VWA3B: variants seen among roughly 807,000 people sequenced by gnomAD.
The protein encoded by VWA3B is von Willebrand factor A domain-containing protein 3B.
In VWA3B, 138 loss-of-function variants were observed where a neutral mutation model predicts 158.3. The ratio of observed to expected loss-of-function variants is 0.87; its 90% CI spans 0.76 to 1.00. VWA3B has a LOEUF of 1.00. VWA3B is among the 50% of genes least tolerant of loss of function. VWA3B has a pLI of 0.00. For missense variants in VWA3B, 1,555 were observed against 1,565.1 expected (o/e 0.99, Z 0.11); for synonymous variants, 596 against 587.3 (o/e 1.01, Z -0.21).
intron 22 of VWA3B, among the ~76,000 whole-genome samples, chr2:98,284,493 T>C (rs1477708957): frequency 6.6e-6 from 1 of 152,200 alleles, no homozygotes; most frequent in Non-Finnish European, 1.5e-5. Flanking sequence ...ATTATTTAAA[T>C]TTTTATAGCC....
At chr2:98,134,428 A>G (rs1465875305) in intron 7 of VWA3B, among the ~76,000 whole-genome samples, 4 of 152,336 alleles carry the variant, frequency 2.6e-5, no homozygotes, top group Admixed American at 2.6e-4. Flanking sequence ...CTTTCATTCA[A>G]TGAATGTGAT....
At chr2:98,179,796 TTCTTTC>T (rs1342545756) in intron 8 of VWA3B, among the ~76,000 whole-genome samples, 2 of 78,774 alleles carry the variant, frequency 2.5e-5, no homozygotes, top group African/African-American at 9.9e-5. Flanking sequence ...TTTTCTTTCT[TTCTTTC>T]TTTCTTTCTT....
At chr2:98,188,159 G>C (rs759126701) in intron 10 of VWA3B, 30 bp downstream of exon 10, 3 of 1,597,774 alleles carry the variant, frequency 1.9e-6, no homozygotes, top group Non-Finnish European at 2.6e-6. Context: ...AGTTACAAGT[G>C]GTCTCCTCGC....
intron 2 of VWA3B, among the ~76,000 whole-genome samples, chr2:98,105,494 A>G (rs1673571911): frequency 6.6e-6 from 1 of 152,172 alleles, no homozygotes; most frequent in Non-Finnish European, 1.5e-5. Context: ...TATCACCACA[A>G]AGATCTTCCT....
intron 12 of VWA3B, among the ~76,000 whole-genome samples, chr2:98,205,219 A>T (rs1251436934): frequency 6.6e-6 from 1 of 152,164 alleles, no homozygotes. Context: ...TAACCATAGA[A>T]CTATTCAGGT....
chr2:98,118,732 A>C (rs1674718333), intron 3 of VWA3B, among the ~76,000 whole-genome samples: 1 of 151,856 alleles, frequency 6.6e-6, no homozygotes, highest in Non-Finnish European at 1.5e-5. Flanking sequence ...CACTCTATTA[A>C]ATCTTGCAAC....
intron 7 of VWA3B, among the ~76,000 whole-genome samples, chr2:98,139,595 G>T (rs1048628175): frequency 6.6e-6 from 1 of 152,118 alleles, no homozygotes; most frequent in African/African-American, 2.4e-5. Context: ...CTCAGGGTTT[G>T]TGAATGCACC....
At chr2:98,237,857 G>A (rs557876496) in intron 19 of VWA3B, among the ~76,000 whole-genome samples, 70 of 152,280 alleles carry the variant, frequency 4.6e-4, no homozygotes, top group African/African-American at 1.6e-3. Flanking sequence ...TTGCTTTATT[G>A]TAATTGGGGT....
intron 2 of VWA3B, 137 bp from the exon 3 acceptor site, chr2:98,115,515 C>T (rs1270170248): frequency 1.5e-6 from 1 of 650,220 alleles, no homozygotes; most frequent in Admixed American, 2.6e-5. Context: ...TGATTTAGAA[C>T]AGAATAGAAA....
chr2:98,290,560 C>T lies in VWA3B; in HGVS notation c.3095C>T (p.Pro1032Leu). 1 of 1,589,438 alleles carries T rather than the reference C, an allele frequency of 6.3e-7. No homozygotes were observed. Among genetic ancestry groups the T allele is most frequent in the Non-Finnish European group, 8.5e-7 (1 of 1,173,158 alleles). ...ACAAAGAAAACCAAATCAAAAAGAC[C>T]AGATCCCCTCAAAGGACAGAAGGTT... ...NPTKKTKSKRPDPLKGQKVIA... is the reference protein window; with the variant it reads ...NPTKKTKSKRLDPLKGQKVIA... The change falls in exon 23 of 28, where the codon CCA (proline) becomes CTA (leucine). Residue 1032 changes from proline (P) to leucine (L), a missense_variant. Transcript: ENST00000477737.
chr2:98,213,443 G>T (rs1287122362), intron 13 of VWA3B, among the ~76,000 whole-genome samples: 1 of 152,184 alleles, frequency 6.6e-6, no homozygotes, highest in Non-Finnish European at 1.5e-5. Context: ...GAAGGACCTA[G>T]CCTTGGGTGG....
chr2:98,326,591 T>A, the VWA3B span, among the ~76,000 whole-genome samples: 1 of 151,722 alleles, frequency 6.6e-6, no homozygotes. Flanking sequence ...TAAGACCCCA[T>A]CTCTACAAAA....
intron 22 of VWA3B, among the ~76,000 whole-genome samples, chr2:98,287,799 A>G (rs1373801829): frequency 6.6e-6 from 1 of 152,198 alleles, no homozygotes; most frequent in Non-Finnish European, 1.5e-5. Context: ...GCAACAGGAA[A>G]AGGACCTTGT....
At chr2:98,112,123 T>C (rs571528449) in intron 2 of VWA3B, among the ~76,000 whole-genome samples, 18 of 152,346 alleles carry the variant, frequency 1.2e-4, no homozygotes, top group Admixed American at 3.3e-4. Flanking sequence ...TTCATTCTTC[T>C]GCATGTAGCT....
the VWA3B span, among the ~76,000 whole-genome samples, chr2:98,320,567 A>G: frequency 6.6e-6 from 1 of 152,238 alleles, no homozygotes; most frequent in Admixed American, 6.5e-5. Context: ...GATATGGACA[A>G]TAAAGTCCAG....
At chr2:98,281,524 A>G (rs1688875197) in intron 22 of VWA3B, among the ~76,000 whole-genome samples, 1 of 152,310 alleles carries the variant, frequency 6.6e-6, no homozygotes, top group East Asian at 1.9e-4. Flanking sequence ...TGTTTTTAAC[A>G]AGATTTTGAG....
rs200227807 is a variant in VWA3B, at chr2:98,270,747, G to A, written c.2909G>A (p.Arg970Gln). 2.2e-5 allele frequency: 35 copies of A among 1,614,092 alleles called. No individual in the cohort carries two copies. Among genetic ancestry groups the A allele is most frequent in the East Asian group, 4.5e-5 (2 of 44,884 alleles). ...ACAGTTTTAAACCAGGCTTTAGAACGGTTGAATTGGCCCATTTCACTGAAA... is the reference window on the plus strand; with the variant it reads ...ACAGTTTTAAACCAGGCTTTAGAACAGTTGAATTGGCCCATTTCACTGAAA... The part of the protein sequence containing the change: ...NKTVLNQALE[R>Q]LNWPISLKEL... Residue 970 changes from arginine to glutamine, a missense_variant, in exon 22 of 28, where the codon CGG becomes CAG. Arg to Gln is a conservative substitution (Grantham distance 43). Transcript: ENST00000477737.
At chr2:98,215,649 C>T (rs1366012959) in intron 13 of VWA3B, among the ~76,000 whole-genome samples, 1 of 151,770 alleles carries the variant, frequency 6.6e-6, no homozygotes, top group African/African-American at 2.4e-5. Flanking sequence ...TCCCCAGCAG[C>T]TGGGACTACA....
At chr2:98,301,363 G>T (rs1458905591) in intron 25 of VWA3B, among the ~76,000 whole-genome samples, 1 of 151,768 alleles carries the variant, frequency 6.6e-6, no homozygotes, top group Non-Finnish European at 1.5e-5. Context: ...GCTCTTTATT[G>T]GTTGTCTGAC....
Sources: allele counts gnomAD v4.1 joint callset (sites outside exome capture counted in the v4.1 genomes callset), GRCh38; gene constraint gnomAD v4.1.1; transcripts MANE v1.5; gene names NCBI Gene and HGNC (gene_info 2026-07-23, HGNC 2026-07-21).